ESRRG: variants seen among roughly 807,000 people sequenced by gnomAD.
The protein encoded by ESRRG is estrogen related receptor gamma.
A neutral mutation model predicts 44.0 loss-of-function variants in ESRRG; 13 were observed. That is an observed-to-expected ratio of 0.30 (90% CI 0.19 to 0.47). The LOEUF (loss-of-function observed/expected upper bound fraction) is 0.47. ESRRG is among the 20% of genes least tolerant of loss of function. The pLI, the probability that ESRRG is intolerant of heterozygous loss-of-function variation, is 1.00. For missense variants in ESRRG, 395 were observed against 580.6 expected, an observed-to-expected ratio of 0.68 and a Z score of 3.29; for synonymous variants, 215 against 214.6, an observed-to-expected ratio of 1.00 and a Z score of -0.02.
At chr1:217,096,416 A>AAC (rs1161668272) in intron 1 of ESRRG, among the ~76,000 whole-genome samples, 1 of 152,204 alleles carries the variant, frequency 6.6e-6, no homozygotes, top group Non-Finnish European at 1.5e-5. Flanking sequence ...TCATGGAAAG[A>AAC]ACACTAAACT....
At chr1:217,116,165 T>A (rs1433920601) in intron 1 of ESRRG, among the ~76,000 whole-genome samples, 1 of 152,188 alleles carries the variant, frequency 6.6e-6, no homozygotes, top group Non-Finnish European at 1.5e-5. Flanking sequence ...ATAGATAAAA[T>A]AGATTAAGAT....
At chr1:216,957,073 G>T (rs1435925517) in intron 1 of ESRRG, among the ~76,000 whole-genome samples, 2 of 152,100 alleles carry the variant, frequency 1.3e-5, no homozygotes, top group Non-Finnish European at 2.9e-5. Flanking sequence ...AATGTGAAAA[G>T]GACTTGGTTA....
intron 2 of ESRRG, among the ~76,000 whole-genome samples, chr1:216,781,153 T>C (rs2093920193): frequency 6.6e-6 from 1 of 151,972 alleles, no homozygotes; most frequent in Admixed American, 6.6e-5. Flanking sequence ...TAGTATATAT[T>C]ACTATTTTAA....
intron 1 of ESRRG, among the ~76,000 whole-genome samples, chr1:217,031,138 G>C (rs2151020808): frequency 6.6e-6 from 1 of 152,268 alleles, no homozygotes; most frequent in South Asian, 2.1e-4. Flanking sequence ...CATTTTCTAA[G>C]AGTTATTTTA....
At chr1:216,930,671 A>T (rs2063213151) in intron 2 of ESRRG, among the ~76,000 whole-genome samples, 1 of 152,206 alleles carries the variant, frequency 6.6e-6, no homozygotes, top group Non-Finnish European at 1.5e-5. Flanking sequence ...ACTATAATAC[A>T]TTGTTGTTTC....
At chr1:216,533,144 A>T (rs781097703) in intron 5 of ESRRG, among the ~76,000 whole-genome samples, 2 of 152,158 alleles carry the variant, frequency 1.3e-5, no homozygotes, top group Non-Finnish European at 2.9e-5. Flanking sequence ...GTGTAAATGC[A>T]CATCCATGTG....
chr1:216,790,308 T>G (rs1281726780), intron 2 of ESRRG, among the ~76,000 whole-genome samples: 1 of 152,194 alleles, frequency 6.6e-6, no homozygotes, highest in Non-Finnish European at 1.5e-5. Flanking sequence ...GGTAGTATGA[T>G]GCTGTGGGAA....
At chr1:216,945,406 TAAA>T (rs1471528260) in intron 1 of ESRRG, among the ~76,000 whole-genome samples, 2 of 152,166 alleles carry the variant, frequency 1.3e-5, no homozygotes, top group East Asian at 3.9e-4. Flanking sequence ...CGAGAGAAAA[TAAA>T]AAATGAATTA....
chr1:216,654,905 AATTGGAGCTAC>A (rs1164667495), intron 2 of ESRRG, among the ~76,000 whole-genome samples: 1 of 152,236 alleles, frequency 6.6e-6, no homozygotes, highest in Non-Finnish European at 1.5e-5. Context: ...CTTACTTTAT[AATTGGAGCTAC>A]ATTGGAGAAA....
intron 3 of ESRRG, among the ~76,000 whole-genome samples, chr1:216,571,903 A>T (rs1984137): frequency 6.6e-6 from 1 of 152,008 alleles, no homozygotes; most frequent in Non-Finnish European, 1.5e-5. Flanking sequence ...TCCACATGCA[A>T]TATTATACTC....
intron 2 of ESRRG, among the ~76,000 whole-genome samples, chr1:216,897,033 C>T (rs1233215181): frequency 6.6e-6 from 1 of 152,064 alleles, no homozygotes; most frequent in East Asian, 1.9e-4. Flanking sequence ...GATGAAAGGG[C>T]ATTTGCTGTG....
intron 1 of ESRRG, among the ~76,000 whole-genome samples, chr1:217,023,975 G>A (rs2080773610): frequency 6.6e-6 from 1 of 152,210 alleles, no homozygotes; most frequent in African/African-American, 2.4e-5. Context: ...GGAAATTCAA[G>A]ATATCGTAAA....
chr1:216,746,769 C>T (rs1451197800), intron 2 of ESRRG, among the ~76,000 whole-genome samples: 2 of 152,232 alleles, frequency 1.3e-5, no homozygotes, highest in East Asian at 3.9e-4. Context: ...TTGTCAAATT[C>T]TAAATAAACA....
chr1:216,625,298 T>C (rs866428744), intron 3 of ESRRG, among the ~76,000 whole-genome samples: 2 of 152,002 alleles, frequency 1.3e-5, no homozygotes, highest in Admixed American at 6.6e-5. Flanking sequence ...TCTATTCTAA[T>C]GTTTCTCTAA....
At chr1:216,793,323 C>T (rs983104472) in intron 2 of ESRRG, among the ~76,000 whole-genome samples, 1 of 152,140 alleles carries the variant, frequency 6.6e-6, no homozygotes. Flanking sequence ...TCTGTGTGAC[C>T]AATGGAATAC....
intron 3 of ESRRG, among the ~76,000 whole-genome samples, chr1:216,632,294 G>A (rs2064359841): frequency 6.6e-6 from 1 of 152,068 alleles, no homozygotes. Flanking sequence ...TCTGTTCTAT[G>A]CAACTTATGT....
chr1:217,135,321 G>A (rs1044022371), intron 1 of ESRRG, among the ~76,000 whole-genome samples: 3 of 152,262 alleles, frequency 2.0e-5, no homozygotes, highest in Non-Finnish European at 4.4e-5. Context: ...CCACGTAAAG[G>A]CCAGTCTTGA....
At chr1:216,970,954 GA>G (rs1436008272) in intron 1 of ESRRG, among the ~76,000 whole-genome samples, 1 of 152,160 alleles carries the variant, frequency 6.6e-6, no homozygotes, top group Non-Finnish European at 1.5e-5. Context: ...TCCAAGGAAG[GA>G]AGATTATGCA....
chr1:216,845,903 C>G (rs578203156), intron 2 of ESRRG, among the ~76,000 whole-genome samples: 1 of 152,250 alleles, frequency 6.6e-6, no homozygotes, highest in East Asian at 1.9e-4. Context: ...CACTCCACTC[C>G]TCTTTGAGAG....
Sources: gnomAD v4.1 joint callset for allele counts (sites outside exome capture counted in the v4.1 genomes callset) on GRCh38, gnomAD v4.1.1 for gene constraint, MANE v1.5 for transcripts, NCBI Gene and HGNC (gene_info 2026-07-23, HGNC 2026-07-21) for gene names.